Variants in SORCS3 observed in about 807,000 individuals in gnomAD.
The protein encoded by SORCS3 is sortilin related VPS10 domain containing receptor 3.
Under a neutral mutation model 146.3 loss-of-function variants are expected in SORCS3, and 57 were observed. The observed-to-expected ratio is 0.39, with a 90% confidence interval of 0.31 to 0.49. The LOEUF (loss-of-function observed/expected upper bound fraction) is 0.49. SORCS3 is among the 20% of genes least tolerant of loss of function. SORCS3 has a pLI of 0.92. For synonymous variants in SORCS3, 653 were observed against 618.5 expected (o/e 1.06, Z -0.83); for missense variants, 1,341 against 1,575.5 (o/e 0.85, Z 2.52).
intron 1 of SORCS3, among the ~76,000 whole-genome samples, chr10:104,821,486 C>T (rs1305312290): frequency 6.6e-6 from 1 of 152,186 alleles, no homozygotes; most frequent in African/African-American, 2.4e-5. Flanking sequence ...CTTCTAGATG[C>T]CTCCTTACTG....
At chr10:104,832,750 T>TAAATAAATAAATAAATAAAC (rs58541807) in intron 1 of SORCS3, among the ~76,000 whole-genome samples, 1 of 151,744 alleles carries the variant, frequency 6.6e-6, no homozygotes, top group East Asian at 1.9e-4. Flanking sequence ...AATAAATAAA[T>TAAATAAATAAATAAATAAAC]GAACGAACGA....
intron 16 of SORCS3, among the ~76,000 whole-genome samples, chr10:105,206,007 G>A (rs922180980): frequency 6.6e-6 from 1 of 152,168 alleles, no homozygotes; most frequent in Non-Finnish European, 1.5e-5. Flanking sequence ...GTAGAAGACA[G>A]GGGAGGAGAT....
intron 20 of SORCS3, among the ~76,000 whole-genome samples, chr10:105,227,556 G>A (rs191263192): frequency 3.9e-5 from 6 of 152,144 alleles, no homozygotes; most frequent in Admixed American, 1.3e-4. Flanking sequence ...ATATCTGTTA[G>A]GTCCATTTGG....
intron 1 of SORCS3, among the ~76,000 whole-genome samples, chr10:104,703,269 G>A (rs984483762): frequency 6.6e-6 from 1 of 152,142 alleles, no homozygotes; most frequent in African/African-American, 2.4e-5. Context: ...GGTATTTCTG[G>A]TTCTAGATCC....
chr10:105,200,688 A>G (rs2056569362), intron 15 of SORCS3, among the ~76,000 whole-genome samples: 1 of 152,168 alleles, frequency 6.6e-6, no homozygotes, highest in Admixed American at 6.5e-5. Context: ...ATGGTCGTTT[A>G]TCATAGAGAA....
chr10:104,683,222 A>C (rs1336223071), intron 1 of SORCS3, among the ~76,000 whole-genome samples: 2 of 152,204 alleles, frequency 1.3e-5, no homozygotes, highest in Admixed American at 1.3e-4. Context: ...TGAGAAGGAG[A>C]AAGCCTTTTT....
chr10:104,709,517 A>G (rs2016387459), intron 1 of SORCS3, among the ~76,000 whole-genome samples: 1 of 152,232 alleles, frequency 6.6e-6, no homozygotes, highest in Non-Finnish European at 1.5e-5. Context: ...TAATACTAAA[A>G]GTACATTTCC....
chr10:104,922,026 T>C (rs936833701), intron 3 of SORCS3, among the ~76,000 whole-genome samples: 1 of 152,228 alleles, frequency 6.6e-6, no homozygotes, highest in Non-Finnish European at 1.5e-5. Context: ...ATTCTTACAG[T>C]GAGCAAGCTG....
intron 5 of SORCS3, among the ~76,000 whole-genome samples, chr10:105,066,800 C>T (rs559519060): frequency 6.6e-6 from 1 of 152,212 alleles, no homozygotes; most frequent in East Asian, 1.9e-4. Flanking sequence ...TTCTTTACTA[C>T]TCACCTTAGC....
At chr10:105,178,482 T>C (rs2056422402) in intron 14 of SORCS3, among the ~76,000 whole-genome samples, 1 of 152,114 alleles carries the variant, frequency 6.6e-6, no homozygotes, top group Non-Finnish European at 1.5e-5. Flanking sequence ...ATGGTTTTTT[T>C]CTCTTTCCAA....
chr10:105,150,379 A>C (rs1323401544), intron 9 of SORCS3, among the ~76,000 whole-genome samples: 1 of 152,178 alleles, frequency 6.6e-6, no homozygotes, highest in Non-Finnish European at 1.5e-5. Context: ...ACACCGCAGC[A>C]CTGATGTAAA....
At chr10:105,125,287 A>G (rs11192323) in intron 7 of SORCS3, among the ~76,000 whole-genome samples, 17,494 of 152,230 alleles carry the variant, frequency 0.11, 1,241 homozygotes, top group Admixed American at 0.17. Context: ...TAGAGATTCA[A>G]TTACATTAGT....
chr10:105,023,426 T>C (rs1167297218), intron 4 of SORCS3, among the ~76,000 whole-genome samples: 2 of 152,112 alleles, frequency 1.3e-5, no homozygotes, highest in African/African-American at 4.8e-5. Flanking sequence ...GAGTTTCCAA[T>C]GGTTGGAGGG....
intron 3 of SORCS3, among the ~76,000 whole-genome samples, chr10:104,926,862 T>C (rs1209618624): frequency 2.6e-5 from 4 of 152,238 alleles, no homozygotes; most frequent in African/African-American, 9.6e-5. Context: ...GTTTTTTCTT[T>C]TGCATTTTAT....
chr10:104,885,945 C>T (rs1358661049), intron 2 of SORCS3, among the ~76,000 whole-genome samples: 2 of 152,100 alleles, frequency 1.3e-5, no homozygotes, highest in Non-Finnish European at 1.5e-5. Context: ...ACTTAACAAT[C>T]CTCAAAGTCA....
At chr10:104,898,078 G>A (rs769216757) in intron 2 of SORCS3, among the ~76,000 whole-genome samples, 3 of 152,210 alleles carry the variant, frequency 2.0e-5, no homozygotes, top group African/African-American at 4.8e-5. Flanking sequence ...AGTGTTGTCT[G>A]AGAGCCAGTG....
intron 4 of SORCS3, among the ~76,000 whole-genome samples, chr10:104,990,717 G>A (rs1054254443): frequency 2.6e-5 from 4 of 152,140 alleles, no homozygotes; most frequent in Non-Finnish European, 1.5e-5. Flanking sequence ...CCTTTTAAGA[G>A]GGAGGCAGGA....
At chr10:104,923,729 C>T (rs2019110738) in intron 3 of SORCS3, among the ~76,000 whole-genome samples, 1 of 152,216 alleles carries the variant, frequency 6.6e-6, no homozygotes, top group Non-Finnish European at 1.5e-5. Context: ...CTTAATGACA[C>T]ATCAACCAGA....
intron 9 of SORCS3, among the ~76,000 whole-genome samples, chr10:105,149,569 G>T (rs768385182): frequency 1.8e-4 from 27 of 152,102 alleles, no homozygotes; most frequent in Non-Finnish European, 3.4e-4. Flanking sequence ...TTGTTTGAGG[G>T]TTTGGATTAA....
Sources: gnomAD v4.1 joint callset for allele counts (sites outside exome capture counted in the v4.1 genomes callset) on GRCh38, gnomAD v4.1.1 for gene constraint, MANE v1.5 for transcripts, NCBI Gene and HGNC (gene_info 2026-07-23, HGNC 2026-07-21) for gene names.